Variants in CSMD1 observed in about 807,000 individuals in gnomAD.
The protein encoded by CSMD1 is CUB and sushi domain-containing protein 1.
Under a neutral mutation model 417.5 loss-of-function variants are expected in CSMD1, and 213 were observed. That is an observed-to-expected ratio of 0.51 (90% CI 0.46 to 0.57). CSMD1 has a LOEUF of 0.57. Ranked by LOEUF, CSMD1 falls within the 20% of genes least tolerant of loss-of-function variation. The pLI is 0.00. For missense variants in CSMD1, 6,923 were observed against 4,529.7 expected (o/e 1.53, Z -15.17); for synonymous variants, 2,862 against 1,736.8 (o/e 1.65, Z -16.11).
At chr8:3,674,931 AC>A (rs1487543511) in intron 7 of CSMD1, among the ~76,000 whole-genome samples, 3 of 152,132 alleles carry the variant, frequency 2.0e-5, no homozygotes, top group African/African-American at 4.8e-5. Context: ...GCAACACGTC[AC>A]CCCCTAAGCC....
chr8:3,596,209 G>A (rs773684338), intron 8 of CSMD1, among the ~76,000 whole-genome samples: 17 of 152,172 alleles, frequency 1.1e-4, no homozygotes, highest in East Asian at 5.8e-4. Context: ...CTGCACCACC[G>A]CCCCGGCAGC....
chr8:4,708,834 A>C (rs558785622), intron 1 of CSMD1, among the ~76,000 whole-genome samples: 1 of 152,320 alleles, frequency 6.6e-6, no homozygotes, highest in African/African-American at 2.4e-5. Flanking sequence ...GGTGGTCCCT[A>C]ATCCGACATG....
At chr8:3,204,271 A>G (rs1797131332) in intron 31 of CSMD1, among the ~76,000 whole-genome samples, 1 of 152,158 alleles carries the variant, frequency 6.6e-6, no homozygotes, top group Admixed American at 6.5e-5. Flanking sequence ...TGACAATAAT[A>G]TTTTGTATTT....
At chr8:3,950,512 C>T (rs1432075523) in intron 5 of CSMD1, among the ~76,000 whole-genome samples, 2 of 152,194 alleles carry the variant, frequency 1.3e-5, no homozygotes, top group Admixed American at 6.5e-5. Flanking sequence ...AGACTCCGTC[C>T]ACTTGCTGCC....
Position 4,933,123 on chromosome 8 carries a change from G to A in CSMD1, c.85+61209C>T, listed in dbSNP as rs190211504. On this transcript the variant is annotated intron_variant, in intron 1 of 69. Transcript: ENST00000635120. ...TCACCTTACATACTTGTATGGATATGTTCTCTATCTGGTATATGTTTTTCT... is the reference window on the plus strand; with the variant it reads ...TCACCTTACATACTTGTATGGATATATTCTCTATCTGGTATATGTTTTTCT... 2.8e-3 allele frequency among the ~76,000 whole-genome samples: 423 copies of A among 152,230 alleles called. 6 individuals carry two copies. The highest frequency in any genetic ancestry group is 9.1e-3 in the African/African-American group (379 of 41,548).
chr8:4,867,213 C>T (rs1349790514), intron 1 of CSMD1, among the ~76,000 whole-genome samples: 1 of 151,984 alleles, frequency 6.6e-6, no homozygotes, highest in African/African-American at 2.4e-5. Flanking sequence ...AATCATTTGC[C>T]AAGCTAAGAA....
At chr8:2,975,986 A>T (rs1057098723) in intron 55 of CSMD1, among the ~76,000 whole-genome samples, 2 of 152,246 alleles carry the variant, frequency 1.3e-5, no homozygotes, top group Admixed American at 1.3e-4. Flanking sequence ...AGACAAAAAC[A>T]AAACTAAACC....
At chr8:3,512,899 T>C (rs753718780) in intron 10 of CSMD1, among the ~76,000 whole-genome samples, 2 of 152,076 alleles carry the variant, frequency 1.3e-5, no homozygotes, top group Non-Finnish European at 2.9e-5. Context: ...CTTGGTCTTT[T>C]TAAGGAGGAA....
chr8:4,153,636 G>A (rs545282440), intron 3 of CSMD1, among the ~76,000 whole-genome samples: 30 of 152,282 alleles, frequency 2.0e-4, no homozygotes, highest in African/African-American at 6.5e-4. Context: ...CACCTTGCAA[G>A]GCAGCTGACA....
Position 4,682,719 on chromosome 8 carries a change from A to G in CSMD1, c.86-45161T>C, listed in dbSNP as rs908737513. Among the ~76,000 whole-genome samples, 3 of 151,718 alleles carry G rather than the reference A, an allele frequency of 2.0e-5. No individual in the cohort carries two copies. In the East Asian group the frequency reaches 5.8e-4, roughly 29 times the overall value. ...AAAAATGATACTCTAATTCTATATT[A>G]TTTGTCCAATATTACGTTGCTGTCT... On this transcript the variant is annotated intron_variant, in intron 1 of 69. Transcript: ENST00000635120.
At chr8:4,027,275 T>C (rs970765105) in intron 4 of CSMD1, among the ~76,000 whole-genome samples, 2 of 152,126 alleles carry the variant, frequency 1.3e-5, no homozygotes, top group South Asian at 4.1e-4. Context: ...AGGATGAAGA[T>C]GGATGTTAGG....
intron 20 of CSMD1, among the ~76,000 whole-genome samples, chr8:3,364,204 GCA>G (rs766080001): frequency 1.3e-5 from 2 of 151,928 alleles, no homozygotes; most frequent in African/African-American, 2.4e-5. Flanking sequence ...ATTGTTTGCA[GCA>G]CAGTTTCTAG....
chr8:3,370,639 A>C (rs1327151571), intron 18 of CSMD1, among the ~76,000 whole-genome samples: 1 of 152,188 alleles, frequency 6.6e-6, no homozygotes, highest in Non-Finnish European at 1.5e-5. Context: ...ACCAATGTGA[A>C]CTGGCATCAT....
At chr8:3,328,517 T>C (rs1806684387) in intron 23 of CSMD1, among the ~76,000 whole-genome samples, 1 of 152,232 alleles carries the variant, frequency 6.6e-6, no homozygotes, top group African/African-American at 2.4e-5. Context: ...CAGACTGTCA[T>C]ATGATCTTCG....
At chr8:3,820,675 G>A (rs772537069) in intron 5 of CSMD1, among the ~76,000 whole-genome samples, 3 of 152,120 alleles carry the variant, frequency 2.0e-5, no homozygotes, top group Admixed American at 6.6e-5. Context: ...TCCCAGGTTT[G>A]AGCTATTCTC....
rs1462660862 is a variant in CSMD1 at position 4,583,742 on chromosome 8, GACCACT to G, written c.302+53594_302+53599del. 9.2e-3 allele frequency among the ~76,000 whole-genome samples: 1,395 copies of G among 152,212 alleles called. 22 individuals carry two copies. The highest frequency in any genetic ancestry group is 0.031 in the African/African-American group (1,279 of 41,528). Reference sequence around the variant, plus strand: ...CACCAGTCAGCACCCTGTCAAAACAGACCACTGGGCTCTATCAATCAGCAGGATGTG... The same window carrying G: ...CACCAGTCAGCACCCTGTCAAAACAGGGGCTCTATCAATCAGCAGGATGTG... On this transcript the variant is annotated intron_variant, in intron 2 of 69. Coordinates refer to ENST00000635120, the MANE Select transcript of CSMD1 (RefSeq NM_033225.6).
chr8:3,608,319 C>T (rs930271740), intron 8 of CSMD1, among the ~76,000 whole-genome samples: 5 of 152,094 alleles, frequency 3.3e-5, no homozygotes, highest in African/African-American at 7.2e-5. Flanking sequence ...TATGGATAGA[C>T]ATGAAGGGGG....
intron 5 of CSMD1, among the ~76,000 whole-genome samples, chr8:3,774,518 T>A (rs557616781): frequency 2.0e-5 from 3 of 152,170 alleles, no homozygotes; most frequent in Non-Finnish European, 4.4e-5. Flanking sequence ...AGATGCTGAA[T>A]ACATGAATTG....
chr8:3,817,205 C>A (rs977669403), intron 5 of CSMD1, among the ~76,000 whole-genome samples: 2 of 144,696 alleles, frequency 1.4e-5, no homozygotes, highest in Non-Finnish European at 1.5e-5. Context: ...GTCAATTGTC[C>A]ACTCTGGAAA....
Sources: gnomAD v4.1 joint callset for allele counts (sites outside exome capture counted in the v4.1 genomes callset) on GRCh38, gnomAD v4.1.1 for gene constraint, MANE v1.5 for transcripts, NCBI Gene and HGNC (gene_info 2026-07-23, HGNC 2026-07-21) for gene names.